Variants in PACRG observed in about 807,000 individuals in gnomAD.
The protein encoded by PACRG is parkin coregulated gene protein.
In PACRG, 29 loss-of-function variants were observed where a neutral mutation model predicts 29.7. The observed-to-expected ratio is 0.98, with a 90% CI of 0.73 to 1.33. The LOEUF (loss-of-function observed/expected upper bound fraction) is 1.33. PACRG is among the 40% of genes most tolerant of loss of function. PACRG has a pLI of 0.00. For missense variants in PACRG, 279 were observed against 316.2 expected (o/e 0.88, Z 0.89); for synonymous variants, 116 against 118.7 (o/e 0.98, Z 0.15).
At chr6:162,826,739 C>T (rs538046139) in intron 2 of PACRG, among the ~76,000 whole-genome samples, 51 of 152,072 alleles carry the variant, frequency 3.4e-4, no homozygotes, top group Admixed American at 5.9e-4. Flanking sequence ...CTGGGATTAG[C>T]GACGTGAGCC....
At chr6:163,298,559 A>C (rs1251162834) in intron 4 of PACRG, among the ~76,000 whole-genome samples, 1 of 152,246 alleles carries the variant, frequency 6.6e-6, no homozygotes, top group Non-Finnish European at 1.5e-5. Context: ...CAAGGAAATA[A>C]TACAACTAAG....
chr6:162,874,595 C>T, intron 2 of PACRG, among the ~76,000 whole-genome samples: 1 of 152,166 alleles, frequency 6.6e-6, no homozygotes, highest in Non-Finnish European at 1.5e-5. Flanking sequence ...GCCTCTTTCC[C>T]TCAAATCTCT....
chr6:162,966,654 T>G (rs1208550991), intron 2 of PACRG, among the ~76,000 whole-genome samples: 1 of 152,048 alleles, frequency 6.6e-6, no homozygotes, highest in Non-Finnish European at 1.5e-5. Flanking sequence ...TTTTTTGTAT[T>G]TTTAGTAGAG....
chr6:163,130,453 T>G (rs576183765), intron 4 of PACRG, among the ~76,000 whole-genome samples: 40 of 152,328 alleles, frequency 2.6e-4, no homozygotes, highest in African/African-American at 8.9e-4. Context: ...TTTCCTACTT[T>G]CTTTTCTGGT....
intron 3 of PACRG, among the ~76,000 whole-genome samples, chr6:163,083,074 G>A (rs556227931): frequency 6.6e-6 from 1 of 152,234 alleles, no homozygotes; most frequent in South Asian, 2.1e-4. Context: ...TCTCAAACCT[G>A]TTTCCACACT....
At chr6:163,231,952 T>G (rs1171556797) in intron 4 of PACRG, among the ~76,000 whole-genome samples, 1 of 152,262 alleles carries the variant, frequency 6.6e-6, no homozygotes, top group Non-Finnish European at 1.5e-5. Flanking sequence ...TTGGTATTTA[T>G]GTAATGCTGC....
At chr6:162,944,889 A>G (rs1798892909) in intron 2 of PACRG, among the ~76,000 whole-genome samples, 1 of 152,122 alleles carries the variant, frequency 6.6e-6, no homozygotes, top group African/African-American at 2.4e-5. Flanking sequence ...AGAAAAAAAC[A>G]AACAAAAAAA....
At chr6:163,025,911 T>A (rs1327525681) in intron 2 of PACRG, among the ~76,000 whole-genome samples, 3 of 152,232 alleles carry the variant, frequency 2.0e-5, no homozygotes, top group African/African-American at 7.2e-5. Flanking sequence ...TGGTTAAAGC[T>A]GTTCTAAAGC....
intron 4 of PACRG, among the ~76,000 whole-genome samples, chr6:163,243,850 G>A (rs572254807): frequency 8.2e-6 from 1 of 122,110 alleles, no homozygotes; most frequent in East Asian, 2.2e-4. Context: ...CAGCTGCTGA[G>A]ACTTAGTAAC....
rs764258145 is a variant in PACRG at position 162,767,064 on chromosome 6, T to C, written c.156+38673T>C. Among the ~76,000 whole-genome samples, 97 of 152,180 alleles carry C rather than the reference T, an allele frequency of 6.4e-4. 1 individual carries two copies. The highest frequency in any genetic ancestry group is 2.1e-3 in the Admixed American group (32 of 15,290). ...AACATGGAAAAACACACGGAGTCTATGATATTGTGAAGACATACTTTATGG... is the reference window on the plus strand; with the variant it reads ...AACATGGAAAAACACACGGAGTCTACGATATTGTGAAGACATACTTTATGG... On this transcript the variant is annotated intron_variant, in intron 1 of 4. Coordinates refer to ENST00000366888, the MANE Select transcript of PACRG (RefSeq NM_001080379.2).
chr6:162,744,077 G>A (rs996669167), intron 1 of PACRG, among the ~76,000 whole-genome samples: 1 of 152,056 alleles, frequency 6.6e-6, no homozygotes, highest in Non-Finnish European at 1.5e-5. Context: ...TTCTGATTAT[G>A]GTTTGATTAT....
At chr6:162,881,307 T>C (rs1003244699) in intron 2 of PACRG, among the ~76,000 whole-genome samples, 6 of 152,182 alleles carry the variant, frequency 3.9e-5, no homozygotes, top group African/African-American at 1.4e-4. Flanking sequence ...CCTTTGGGGC[T>C]GTAAATGAGG....
At chr6:162,835,010 T>G (rs193253164) in intron 2 of PACRG, among the ~76,000 whole-genome samples, 1 of 152,248 alleles carries the variant, frequency 6.6e-6, no homozygotes, top group Admixed American at 6.5e-5. Context: ...TTTATTATTC[T>G]ACTTGGCCTC....
chr6:163,224,916 C>T (rs191971669), intron 4 of PACRG, among the ~76,000 whole-genome samples: 22 of 152,022 alleles, frequency 1.4e-4, no homozygotes, highest in Non-Finnish European at 2.6e-4. Context: ...AGATAACCTA[C>T]GGAATGGAAG....
chr6:163,194,683 A>G (rs1416629322), intron 4 of PACRG, among the ~76,000 whole-genome samples: 1 of 152,136 alleles, frequency 6.6e-6, no homozygotes, highest in East Asian at 1.9e-4. Context: ...TGGTTGCTTC[A>G]CTCATCAAAA....
chr6:162,860,187 C>T (rs962495964), intron 2 of PACRG, among the ~76,000 whole-genome samples: 1 of 152,014 alleles, frequency 6.6e-6, no homozygotes, highest in African/African-American at 2.4e-5. Context: ...TTATTAGTTT[C>T]CTCAAGAGGA....
chr6:163,207,614 T>C (rs1171568937), intron 4 of PACRG, among the ~76,000 whole-genome samples: 2 of 152,200 alleles, frequency 1.3e-5, no homozygotes, highest in African/African-American at 4.8e-5. Flanking sequence ...CACTACATGA[T>C]GAGATGCTTG....
chr6:163,123,209 GCCAACCTGGTCCTC>G (rs1335166228), intron 4 of PACRG, among the ~76,000 whole-genome samples: 1 of 152,224 alleles, frequency 6.6e-6, no homozygotes, highest in Non-Finnish European at 1.5e-5. Flanking sequence ...CATTCACATA[GCCAACCTGGTCCTC>G]CCACCCTAGC....
At chr6:163,164,127 T>C (rs1778691372) in intron 4 of PACRG, among the ~76,000 whole-genome samples, 1 of 152,120 alleles carries the variant, frequency 6.6e-6, no homozygotes, top group Non-Finnish European at 1.5e-5. Context: ...AGATGTAAAA[T>C]ATTTGTTTTT....
Sources: gnomAD v4.1 joint callset for allele counts (sites outside exome capture counted in the v4.1 genomes callset) on GRCh38, gnomAD v4.1.1 for gene constraint, MANE v1.5 for transcripts, NCBI Gene and HGNC (gene_info 2026-07-23, HGNC 2026-07-21) for gene names.